The following FGD6 variants were observed in gnomAD, a reference collection of about 807,000 sequenced individuals.
The protein encoded by FGD6 is FYVE, RhoGEF and PH domain-containing protein 6.
Under a neutral mutation model 149.4 loss-of-function variants are expected in FGD6, and 90 were observed. The ratio of observed to expected loss-of-function variants is 0.60; its 90% CI spans 0.51 to 0.72. The LOEUF is 0.72. FGD6 is among the 30% of genes least tolerant of loss of function. The pLI, the probability that FGD6 is intolerant of heterozygous loss-of-function variation, is 0.00. For synonymous variants in FGD6, 527 were observed against 584.0 expected, an observed-to-expected ratio of 0.90 and a Z score of 1.41; for missense variants, 1,437 against 1,684.8, an observed-to-expected ratio of 0.85 and a Z score of 2.57.
Position 95,210,277 on chromosome 12 carries a change from T to C in FGD6, c.1007A>G (p.Glu336Gly). Residue 336 changes from glutamate (E) to glycine (G), a missense_variant, in exon 2 of 21, where the codon GAA becomes GGA. Transcript: ENST00000343958. The stretch of plus-strand genomic sequence containing the variant: ...TGAATTCCCCGGTTCTTCAGTGCTT[T>C]CACTAGGAGTATCTACACACTTTTG... ...LRQKCVDTPSESTEEPGNSDS... is the reference protein window; with the variant it reads ...LRQKCVDTPSGSTEEPGNSDS... The C allele has an allele frequency of 1.2e-6, 2 of 1,614,096 alleles. No individual in the cohort carries two copies. The highest frequency in any genetic ancestry group is 1.7e-6 in the Non-Finnish European group (2 of 1,180,002).
At chr12:95,130,690 G>A (rs1212070632) in intron 8 of FGD6, among the ~76,000 whole-genome samples, 1 of 151,950 alleles carries the variant, frequency 6.6e-6, no homozygotes, top group African/African-American at 2.4e-5. Flanking sequence ...ACCAGCCTGG[G>A]CAACATGGGG....
intron 3 of FGD6, among the ~76,000 whole-genome samples, chr12:95,160,424 T>C (rs145248007): frequency 8.1e-4 from 124 of 152,216 alleles, no homozygotes; most frequent in Non-Finnish European, 9.6e-4. Flanking sequence ...TTATATATTG[T>C]TGGTGGGCAT....
chr12:95,115,387 G>A (rs1878975227), intron 8 of FGD6, among the ~76,000 whole-genome samples: 1 of 141,256 alleles, frequency 7.1e-6, no homozygotes, highest in Non-Finnish European at 1.5e-5. Context: ...ACTGGTGTGT[G>A]CCTCCATGTC....
At chr12:95,141,882 A>G (rs1222825250) in intron 5 of FGD6, among the ~76,000 whole-genome samples, 1 of 152,150 alleles carries the variant, frequency 6.6e-6, no homozygotes, top group African/African-American at 2.4e-5. Context: ...TACCATCAAT[A>G]TAAACACAAT....
chr12:95,164,887 A>G (rs1256547411), intron 3 of FGD6, among the ~76,000 whole-genome samples: 1 of 152,184 alleles, frequency 6.6e-6, no homozygotes, highest in Non-Finnish European at 1.5e-5. Flanking sequence ...ATTAATCTCT[A>G]AACAATGCTC....
chr12:95,126,112 T>A, intron 8 of FGD6: 1 of 1,058,612 alleles, frequency 9.4e-7, no homozygotes, highest in South Asian at 1.3e-5. Context: ...GCAAAGAAAA[T>A]GAGGGACAGA....
chr12:95,124,076 G>A (rs1325297472), intron 8 of FGD6, among the ~76,000 whole-genome samples: 1 of 151,100 alleles, frequency 6.6e-6, no homozygotes, highest in Admixed American at 6.6e-5. Context: ...ACCATGCATG[G>A]CTAATTTTTT....
At chr12:95,118,335 C>T (rs1592839841) in intron 8 of FGD6, among the ~76,000 whole-genome samples, 3 of 132,388 alleles carry the variant, frequency 2.3e-5, no homozygotes, top group East Asian at 2.2e-4. Flanking sequence ...GATGACAGAG[C>T]GAGACTCTGT....
chr12:95,198,487 T>A (rs894605190), intron 2 of FGD6, among the ~76,000 whole-genome samples: 1 of 152,196 alleles, frequency 6.6e-6, no homozygotes, highest in Non-Finnish European at 1.5e-5. Flanking sequence ...TCACCCAGGC[T>A]GGATTGCAGT....
chr12:95,182,133 A>C (rs1221272057), intron 2 of FGD6, among the ~76,000 whole-genome samples: 1 of 152,060 alleles, frequency 6.6e-6, no homozygotes, highest in East Asian at 1.9e-4. Context: ...AATAAAGGCC[A>C]TTAGAAATAA....
intron 1 of FGD6, among the ~76,000 whole-genome samples, chr12:95,216,890 T>C (rs1430899823): frequency 6.6e-6 from 1 of 152,188 alleles, no homozygotes; most frequent in African/African-American, 2.4e-5. Context: ...CTTGGGAATC[T>C]ACACTATTTT....
chr12:95,104,912 CA>C (rs1259001833), intron 14 of FGD6, 94 bp downstream of exon 14: 42 of 978,380 alleles, frequency 4.3e-5, no homozygotes, highest in Middle Eastern at 2.4e-4. Context: ...GATGCTGTCT[CA>C]AAAAAAACCA....
intron 2 of FGD6, among the ~76,000 whole-genome samples, chr12:95,201,394 A>C (rs1240764127): frequency 1.3e-5 from 2 of 152,132 alleles, no homozygotes; most frequent in Non-Finnish European, 2.9e-5. Flanking sequence ...CTGCTGTTTT[A>C]TTACTGCCAT....
At chr12:95,123,720 C>T (rs1879257030) in intron 8 of FGD6, among the ~76,000 whole-genome samples, 1 of 151,990 alleles carries the variant, frequency 6.6e-6, no homozygotes, top group Non-Finnish European at 1.5e-5. Flanking sequence ...CACCACCACA[C>T]CCAGCTAATT....
chr12:95,091,681 TGGTTAA>T lies in FGD6; in HGVS notation c.3850+20_3850+25del, dbSNP rs755031507. The T allele has an allele frequency of 1.3e-6, 2 of 1,558,884 alleles. No individual in the cohort carries two copies. The highest frequency in any genetic ancestry group is 2.3e-5 in the South Asian group (2 of 87,228). On this transcript the variant is annotated intron_variant, in intron 17 of 20. Coordinates refer to ENST00000343958, the MANE Select transcript of FGD6 (RefSeq NM_018351.4). ...AGCATCTGGGGAATAAAGGAATTTT[TGGTTAA>T]ATCCTTACTTATATATTACCTAATT... is the stretch of plus-strand genomic sequence containing the variant.
At chr12:95,177,135 C>CT (rs1290755295) in intron 2 of FGD6, among the ~76,000 whole-genome samples, 3 of 152,106 alleles carry the variant, frequency 2.0e-5, no homozygotes, top group African/African-American at 7.2e-5. Context: ...GTGGAATTAT[C>CT]TTTTTTAAAA....
chr12:95,164,800 A>G (rs1043511680), intron 3 of FGD6, among the ~76,000 whole-genome samples: 1 of 152,196 alleles, frequency 6.6e-6, no homozygotes, highest in Non-Finnish European at 1.5e-5. Context: ...AATAAAAAAC[A>G]AAAAATGTTA....
At position 95,210,628 on chromosome 12, in the gene FGD6, C is replaced by T. The variant is rs139356057; in HGVS notation, c.656G>A (p.Arg219Lys). 2.6e-4 allele frequency: 420 copies of T among 1,614,176 alleles called. 1 individual carries two copies. Among genetic ancestry groups the T allele is most frequent in the Non-Finnish European group, 3.5e-4 (413 of 1,180,046 alleles). ...NGGCNSNGQF[R>K]IEFADLSPSP... ...AGGTGACAAATCCGCAAATTCAATT[C>T]TGAATTGTCCATTTGAATTACAGCC... The change falls in exon 2 of 21, where the codon AGA becomes AAA. Residue 219 changes from arginine (R) to lysine (K), a missense_variant. Transcript: ENST00000343958.
At chr12:95,130,190 C>A (rs1447166558) in intron 8 of FGD6, among the ~76,000 whole-genome samples, 3 of 152,130 alleles carry the variant, frequency 2.0e-5, no homozygotes, top group African/African-American at 7.2e-5. Flanking sequence ...GAAGACAATA[C>A]CATGGTTATT....
Sources: gnomAD v4.1 joint callset for allele counts (sites outside exome capture counted in the v4.1 genomes callset) on GRCh38, gnomAD v4.1.1 for gene constraint, MANE v1.5 for transcripts, NCBI Gene and HGNC (gene_info 2026-07-23, HGNC 2026-07-21) for gene names.